The following TNK2 variants were observed in gnomAD, a reference collection of about 807,000 sequenced individuals.
The protein encoded by TNK2 is activated CDC42 kinase 1.
TNK2 carries 83 observed loss-of-function variants against 101.8 expected under a neutral mutation model. The observed-to-expected ratio is 0.82, with a 90% CI of 0.68 to 0.98. The LOEUF (loss-of-function observed/expected upper bound fraction) is 0.98, where lower values mean the gene tolerates loss of function less well. TNK2 is among the 50% of genes least tolerant of loss of function. The pLI is 0.00. For missense variants in TNK2, 1,665 were observed against 1,483.2 expected (o/e 1.12, Z -2.01); for synonymous variants, 804 against 633.0 (o/e 1.27, Z -4.06).
chr3:195,906,742 C>T (rs1761760609), intron 1 of TNK2, among the ~76,000 whole-genome samples: 1 of 152,100 alleles, frequency 6.6e-6, no homozygotes, highest in Non-Finnish European at 1.5e-5. Context: ...CTCAGTTTAC[C>T]ATATGTCATT....
intron 10 of TNK2, among the ~76,000 whole-genome samples, chr3:195,871,093 G>C (rs1744959815): frequency 6.6e-6 from 1 of 152,002 alleles, no homozygotes; most frequent in Admixed American, 6.6e-5. Flanking sequence ...TCTCAGGGCA[G>C]ACCAGAGTAT....
At chr3:195,872,512 G>C in intron 9 of TNK2, 42 bp from the exon 10 acceptor site, 1 of 1,541,686 alleles carries the variant, frequency 6.5e-7, no homozygotes, top group Non-Finnish European at 8.8e-7. Flanking sequence ...GGCGTGGCGG[G>C]GCAGCCCCGG....
intron 15 of TNK2, among the ~76,000 whole-genome samples, chr3:195,866,103 A>G (rs1025908895): frequency 6.6e-6 from 1 of 152,222 alleles, no homozygotes. Flanking sequence ...TACATAATAT[A>G]TAAAGTGTGT....
At chr3:195,896,169 G>A (rs1560542393) in intron 1 of TNK2, 1 of 454,858 alleles carries the variant, frequency 2.2e-6, no homozygotes, top group South Asian at 1.6e-5. Context: ...GCCGGCACAG[G>A]AAGTCCCAGG....
chr3:195,875,693 T>C (rs114491239), intron 9 of TNK2, among the ~76,000 whole-genome samples: 2,316 of 152,216 alleles, frequency 0.015, 63 homozygotes, highest in African/African-American at 0.053. Flanking sequence ...GGAGTCCCCG[T>C]GGCCATGGGA....
chr3:195,867,537 TG>T lies in TNK2; in HGVS notation c.2760del (p.Thr921ArgfsTer67). On this transcript the variant is annotated frameshift_variant, in exon 13 of 16. Transcript: ENST00000672887. LOFTEE classifies it high-confidence loss of function. ...TGGGGCATCGGCCGCACGGTGGCCG[TG>T]GGGGCGGCGGGGGCTGGGGTGCTGG... is the stretch of plus-strand genomic sequence containing the variant. ...PPPSTPAPAA[P>X]TATVRPMPQA... 1 of 964,750 alleles carries T rather than the reference TG, an allele frequency of 1.0e-6. No homozygotes were observed. Among genetic ancestry groups the T allele is most frequent in the Non-Finnish European group, 1.3e-6 (1 of 771,518 alleles). 59.8% of individuals were successfully genotyped at this position (964,750 alleles called of 1,614,324 possible). A position where few individuals can be genotyped will look rare whatever the true frequency, so the allele number is the denominator to read the frequency against.
At chr3:195,870,496 G>A (rs1319476404) in intron 10 of TNK2, 4 of 988,712 alleles carry the variant, frequency 4.0e-6, no homozygotes, top group African/African-American at 1.7e-5. Flanking sequence ...CAGGCCCCCA[G>A]CCCACACCAG....
At chr3:195,895,246 C>T (rs747916244) in intron 1 of TNK2, 2 of 1,542,798 alleles carry the variant, frequency 1.3e-6, no homozygotes, top group Non-Finnish European at 1.7e-6. Flanking sequence ...TCCCCATTAC[C>T]TGCGGTCCCT....
At chr3:195,884,758 T>TACCA in intron 4 of TNK2, 54 bp downstream of exon 4, 3 of 1,515,850 alleles carry the variant, frequency 2.0e-6, no homozygotes, top group Non-Finnish European at 2.7e-6. Context: ...GAAGAGCCAC[T>TACCA]ACCAGCCCCG....
intron 2 of TNK2, among the ~76,000 whole-genome samples, chr3:195,887,460 C>T (rs576460601): frequency 5.9e-5 from 9 of 151,810 alleles, no homozygotes; most frequent in Non-Finnish European, 1.2e-4. Flanking sequence ...GCTATTTTAA[C>T]TAAGTCAGTG....
At chr3:195,896,123 C>A (rs541203651) in intron 1 of TNK2, 5 of 455,562 alleles carry the variant, frequency 1.1e-5, no homozygotes, top group East Asian at 7.0e-5. Flanking sequence ...CAGGCCCACG[C>A]GGGGGTGCCG....
rs1366827596 is a variant in TNK2, at chr3:195,882,533, GAGA to G, written c.610-208_610-206del. 3 of 1,531,824 alleles carry G rather than the reference GAGA, an allele frequency of 2.0e-6. No individual in the cohort carries two copies. The highest frequency in any genetic ancestry group is 2.6e-6 in the Non-Finnish European group (3 of 1,144,444). The allele number at this position is 1,531,824 out of a possible 1,614,324, so 94.9% of individuals were successfully genotyped here. A position where few individuals can be genotyped will look rare whatever the true frequency, so the allele number is the denominator to read the frequency against. ...GCAATTTGGGAAACTGATGCCTAGAGAGAAGGAGCCCAAAGAGGCAGTGGCTAG... is the reference window on the plus strand; with the variant it reads ...GCAATTTGGGAAACTGATGCCTAGAGAGGAGCCCAAAGAGGCAGTGGCTAG... On this transcript the variant is annotated intron_variant, in intron 5 of 15. Coordinates refer to ENST00000672887, the MANE Select transcript of TNK2 (RefSeq NM_001382273.1). This position sits in a 1 kb window ranked among gnomAD's most constrained non-coding sequence, Gnocchi z 4.2.
At chr3:195,883,028 C>T in intron 5 of TNK2, 129 bp downstream of exon 5, 1 of 1,129,734 alleles carries the variant, frequency 8.9e-7, no homozygotes, top group Non-Finnish European at 1.3e-6. Flanking sequence ...GACCCCTTTA[C>T]TCCATCAGGT....
intron 1 of TNK2, among the ~76,000 whole-genome samples, chr3:195,898,555 T>C (rs1376662104): frequency 2.0e-5 from 3 of 152,166 alleles, no homozygotes; most frequent in Non-Finnish European, 4.4e-5. Context: ...CTCTTAGCAT[T>C]CCCTTCAAAT....
Position 195,896,033 on chromosome 3 carries a change from T to G in TNK2, c.-18-7427A>C, listed in dbSNP as rs1239051213. ...CACTCCCGCAACGCCGCACGCGCTGTGCGCTGGGCACGCACTGACCTCCTT... is the reference window on the plus strand; with the variant it reads ...CACTCCCGCAACGCCGCACGCGCTGGGCGCTGGGCACGCACTGACCTCCTT... On this transcript the variant is annotated intron_variant, in intron 1 of 15. Transcript: ENST00000672887. 9.4e-6 allele frequency: 4 copies of G among 427,310 alleles called. No homozygotes were observed. The Admixed American group carries it at 1.0e-4, about 11-fold the overall frequency. 26.5% of individuals were successfully genotyped at this position (427,310 alleles called of 1,614,324 possible). A position where few individuals can be genotyped will look rare whatever the true frequency, so the allele number is the denominator to read the frequency against.
At chr3:195,895,500 TCCTCCTGCCGG>T in intron 1 of TNK2, 3 of 1,353,650 alleles carry the variant, frequency 2.2e-6, no homozygotes, top group Non-Finnish European at 2.8e-6. Context: ...GTCGCGCCCC[TCCTCCTGCCGG>T]CCTGCGGCCA....
intron 1 of TNK2, among the ~76,000 whole-genome samples, chr3:195,904,206 C>A (rs1384325728): frequency 1.3e-5 from 2 of 150,134 alleles, no homozygotes; most frequent in Admixed American, 1.3e-4. Context: ...TGCAGTGAGC[C>A]ATGATCACAC....
At chr3:195,870,705 G>C (rs1320816850) in intron 10 of TNK2, among the ~76,000 whole-genome samples, 3 of 152,256 alleles carry the variant, frequency 2.0e-5, no homozygotes, top group Non-Finnish European at 4.4e-5. Flanking sequence ...CAGTATCTGA[G>C]ACTTAGTCAC....
At chr3:195,876,764 G>A in intron 9 of TNK2, 1 of 396,296 alleles carries the variant, frequency 2.5e-6, no homozygotes, top group South Asian at 1.8e-5. Context: ...GGGCGGGGCG[G>A]GGCACACCCA....
Sources: allele counts gnomAD v4.1 joint callset (sites outside exome capture counted in the v4.1 genomes callset), GRCh38; gene constraint gnomAD v4.1.1; non-coding constraint Gnocchi (gnomAD v3.1); transcripts MANE v1.5; gene names NCBI Gene and HGNC (gene_info 2026-07-23, HGNC 2026-07-21).